Variants in AKAP13 observed in about 807,000 individuals in gnomAD.
AKAP13 encodes A-kinase anchor protein 13.
In AKAP13, 80 loss-of-function variants were observed where a neutral mutation model predicts 264.5. The ratio of observed to expected loss-of-function variants is 0.30; its 90% CI spans 0.25 to 0.36. The LOEUF is 0.36. AKAP13 is among the 10% of genes least tolerant of loss of function. The probability of loss-of-function intolerance (pLI) is 1.00; values close to 1 mark genes in which losing one functional copy is unlikely to be tolerated. For missense variants in AKAP13, 3,712 were observed against 3,435.2 expected (o/e 1.08, Z -2.01); for synonymous variants, 1,380 against 1,250.2 (o/e 1.10, Z -2.19).
chr15:85,723,630 T>C (rs2087429553), intron 26 of AKAP13, among the ~76,000 whole-genome samples: 1 of 152,184 alleles, frequency 6.6e-6, no homozygotes, highest in Non-Finnish European at 1.5e-5. Flanking sequence ...AAGGAAGGTG[T>C]ATTCCCCTAT....
intron 8 of AKAP13, among the ~76,000 whole-genome samples, chr15:85,597,890 A>C (rs1052473836): frequency 2.6e-5 from 4 of 152,050 alleles, no homozygotes; most frequent in African/African-American, 9.7e-5. Flanking sequence ...GCGTTTTCTG[A>C]CAGCAGATGA....
chr15:85,641,504 A>ATAAC (rs1309967592), intron 9 of AKAP13, among the ~76,000 whole-genome samples: 27 of 113,444 alleles, frequency 2.4e-4, no homozygotes, highest in Non-Finnish European at 3.5e-4. Context: ...AAATAAATAA[A>ATAAC]TAACGGAGTC....
intron 30 of AKAP13, among the ~76,000 whole-genome samples, chr15:85,731,279 T>TAA (rs1321893121): frequency 6.6e-6 from 1 of 152,196 alleles, no homozygotes; most frequent in Non-Finnish European, 1.5e-5. Flanking sequence ...GGGCTGATAT[T>TAA]ATAGGCGTGA....
At chr15:85,645,562 A>G (rs959217229) in intron 9 of AKAP13, among the ~76,000 whole-genome samples, 2 of 152,202 alleles carry the variant, frequency 1.3e-5, no homozygotes, top group African/African-American at 4.8e-5. Flanking sequence ...TGTACCTAAT[A>G]TAAACGTGGC....
intron 1 of AKAP13, among the ~76,000 whole-genome samples, chr15:85,401,624 C>T (rs532291351): frequency 6.6e-6 from 1 of 152,174 alleles, no homozygotes; most frequent in African/African-American, 2.4e-5. Context: ...CTTAAACTGT[C>T]CCTTTGAGGT....
At chr15:85,645,779 T>TTG in intron 9 of AKAP13, 39 bp from the exon 10 acceptor site, 2 of 1,541,300 alleles carry the variant, frequency 1.3e-6, no homozygotes, top group Middle Eastern at 1.8e-4. Context: ...TTTTTTGTTT[T>TTG]TTTTTTTTCA....
At chr15:85,607,090 C>T (rs998956805) in intron 8 of AKAP13, among the ~76,000 whole-genome samples, 4 of 146,948 alleles carry the variant, frequency 2.7e-5, no homozygotes, top group African/African-American at 7.5e-5. Context: ...TGAGACTTAA[C>T]TCTTCCATCT....
chr15:85,639,367 C>G lies in AKAP13; in HGVS notation c.4162-7C>G, dbSNP rs748846924. 4 of 1,602,110 alleles carry G rather than the reference C, an allele frequency of 2.5e-6. No individual in the cohort carries two copies. Among genetic ancestry groups the G allele is most frequent in the Admixed American group, 3.3e-5 (2 of 59,858 alleles). On this transcript the variant is annotated splice_polypyrimidine_tract_variant and splice_region_variant and intron_variant, in intron 8 of 36. Transcript: ENST00000394518. ...GTCTGAAACTCTGTGTTTTCTTTTT[C>G]TTTCAGATAAACCGAGAAAACTGGT...
chr15:85,637,508 A>G (rs964839575), intron 8 of AKAP13, among the ~76,000 whole-genome samples: 2 of 152,012 alleles, frequency 1.3e-5, no homozygotes, highest in African/African-American at 4.8e-5. Flanking sequence ...GATTCCTGTC[A>G]TTTGTCGCTT....
intron 14 of AKAP13, chr15:85,676,918 T>C: frequency 1.0e-6 from 1 of 985,314 alleles, no homozygotes; most frequent in Non-Finnish European, 1.2e-6. Context: ...CCCCATGTGC[T>C]GAAGGCCCTG....
chr15:85,418,526 G>A (rs549408669), intron 1 of AKAP13, among the ~76,000 whole-genome samples: 1 of 152,328 alleles, frequency 6.6e-6, no homozygotes, highest in Admixed American at 6.5e-5. Flanking sequence ...GTGTAGCCCT[G>A]ATACCTGTGC....
intron 8 of AKAP13, among the ~76,000 whole-genome samples, chr15:85,586,860 G>A (rs559716714): frequency 1.3e-5 from 2 of 152,020 alleles, no homozygotes; most frequent in South Asian, 4.1e-4. Flanking sequence ...CCTGGGAGGC[G>A]GAGGATGCAG....
In AKAP13 at chr15:85,633,010, C is replaced by CA. The variant is rs1365848101; in HGVS notation, c.4162-6363dup. Among the ~76,000 whole-genome samples the CA allele has an allele frequency of 2.0e-5, 3 of 152,264 alleles. No individual in the cohort carries two copies. In the East Asian group the frequency reaches 5.8e-4, roughly 29 times the overall value. ...CCTCCCAAGTAGCTGGGACTACAGGCATGTGCCACCACGCCCAGATAATTT... is the reference window on the plus strand; with the variant it reads ...CCTCCCAAGTAGCTGGGACTACAGGCAATGTGCCACCACGCCCAGATAATTT... On this transcript the variant is annotated intron_variant, in intron 8 of 36. Coordinates refer to ENST00000394518, the MANE Select transcript of AKAP13 (RefSeq NM_007200.5).
chr15:85,500,196 G>C (rs890652113), intron 2 of AKAP13, among the ~76,000 whole-genome samples: 1 of 152,148 alleles, frequency 6.6e-6, no homozygotes, highest in Non-Finnish European at 1.5e-5. Context: ...TCTTTGGGTA[G>C]AGCCTCTAAG....
chr15:85,733,797 A>G lies in AKAP13; in HGVS notation c.7283-1195A>G, dbSNP rs546714460. 1.6e-4 allele frequency among the ~76,000 whole-genome samples: 22 copies of G among 140,812 alleles called. No homozygotes were observed. In the South Asian group the frequency reaches 4.1e-3, roughly 26 times the overall value. The allele number at this position is 140,812 out of a possible 152,430, so 92.4% of individuals were successfully genotyped here. On this transcript the variant is annotated intron_variant, in intron 30 of 36. Transcript: ENST00000394518. ...TTTTTCTTTTGTTTGTAGCTTTGCT[A>G]TTTCATTTCTGTGTTTTCTAATTCT...
chr15:85,579,815 G>C lies in AKAP13; in HGVS notation c.1747G>C (p.Asp583His). Reference sequence around the variant, plus strand: ...TGAGGAGAGTGCTGATGCTCCAGTAGATCAGAATTCTGTGGTGATTCCAGC... The same window carrying C: ...TGAGGAGAGTGCTGATGCTCCAGTACATCAGAATTCTGTGGTGATTCCAGC... ...SREESADAPV[D>H]QNSVVIPAAA... Residue 583 changes from aspartate to histidine, a missense_variant, in exon 7 of 37, where the codon GAT becomes CAT. By Grantham distance (81) the Asp-to-His change is moderately conservative (BLOSUM62 -1). Around this residue, in one of 3 missense-constraint regions of AKAP13, gnomAD observed 2,759 missense variants for 2,411.7 expected, o/e 1.14. Coordinates refer to ENST00000394518, the MANE Select transcript of AKAP13 (RefSeq NM_007200.5). 2 of 1,614,212 alleles carry C rather than the reference G, an allele frequency of 1.2e-6. No individual in the cohort carries two copies. Among genetic ancestry groups the C allele is most frequent in the Non-Finnish European group, 8.5e-7 (1 of 1,180,042 alleles).
intron 4 of AKAP13, among the ~76,000 whole-genome samples, chr15:85,542,783 G>A (rs1261648614): frequency 1.3e-5 from 2 of 152,238 alleles, no homozygotes; most frequent in Non-Finnish European, 2.9e-5. Context: ...TGATGTCCAA[G>A]AGGACAGTGA....
At chr15:85,503,553 C>T (rs1265942461) in intron 2 of AKAP13, among the ~76,000 whole-genome samples, 1 of 152,176 alleles carries the variant, frequency 6.6e-6, no homozygotes, top group South Asian at 2.1e-4. Flanking sequence ...GGTGATTCAA[C>T]TTGACCTGCT....
At chr15:85,736,568 T>A (rs539399787) in intron 33 of AKAP13, among the ~76,000 whole-genome samples, 1 of 152,166 alleles carries the variant, frequency 6.6e-6, no homozygotes, top group African/African-American at 2.4e-5. Context: ...CGGCTAACTT[T>A]TGTATTTTTT....
Sources: allele counts gnomAD v4.1 joint callset (sites outside exome capture counted in the v4.1 genomes callset), GRCh38; gene constraint gnomAD v4.1.1; regional missense constraint gnomAD v4.1.1; transcripts MANE v1.5; gene names NCBI Gene and HGNC (gene_info 2026-07-23, HGNC 2026-07-21).